The following HYDIN variants were observed in gnomAD, a reference collection of about 807,000 sequenced individuals.
The protein encoded by HYDIN is HYDIN axonemal central pair apparatus protein.
HYDIN carries 132 observed loss-of-function variants against 403.9 expected under a neutral mutation model. That is an observed-to-expected ratio of 0.33 (90% CI 0.28 to 0.38). The LOEUF is 0.38. Ranked by LOEUF, HYDIN falls within the 10% of genes least tolerant of loss-of-function variation. The pLI is 1.00. For missense variants in HYDIN, 2,827 were observed against 5,009.5 expected (o/e 0.56, Z 13.15); for synonymous variants, 1,202 against 1,891.7 (o/e 0.64, Z 9.46).
At chr16:71,086,173 G>C (rs370678693) in intron 12 of HYDIN, among the ~76,000 whole-genome samples, 4 of 151,766 alleles carry the variant, frequency 2.6e-5, no homozygotes, top group Admixed American at 6.6e-5. Context: ...TTTCTTTAGG[G>C]AATAGTTTAA....
Position 71,178,985 on chromosome 16 carries a change from C to G in HYDIN, c.324G>C (p.Gln108His). Residue 108 changes from glutamine (Q) to histidine (H), a missense_variant, in exon 4 of 86, where the codon CAG becomes CAC. Transcript: ENST00000393567. ...CATAGACTTCACAGGGAGTGTAGTT[C>G]TGAAATATAATTTCTGATGGAAAGG... ...FQPFPSEIIF[Q>H]NYTPCEVYEV... is the part of the protein sequence containing the mutation. 1.9e-6 allele frequency: 3 copies of G among 1,611,864 alleles called. No individual in the cohort carries two copies. Among genetic ancestry groups the G allele is most frequent in the Non-Finnish European group, 2.5e-6 (3 of 1,178,232 alleles).
intron 11 of HYDIN, among the ~76,000 whole-genome samples, chr16:71,092,378 C>A (rs976420980): frequency 6.6e-6 from 1 of 152,282 alleles, no homozygotes; most frequent in African/African-American, 2.4e-5. Context: ...CACTAGAAAC[C>A]TTTGTTTTGG....
At chr16:71,009,329 TGAAGCCTGAACCTAGACTTTCCA>T (rs1176457832) in intron 23 of HYDIN, among the ~76,000 whole-genome samples, 1 of 150,302 alleles carries the variant, frequency 6.7e-6, no homozygotes, top group Non-Finnish European at 1.5e-5. Context: ...AAGCTGTGCC[TGAAGCCTGAACCTAGACTTTCCA>T]GATGCATGAA....
chr16:71,228,087 C>G (rs2041119111), intron 1 of HYDIN, among the ~76,000 whole-genome samples: 1 of 152,114 alleles, frequency 6.6e-6, no homozygotes, highest in Admixed American at 6.5e-5. Context: ...ATAAATGGTG[C>G]TAGGAAAACT....
In HYDIN at chr16:70,833,087, A is replaced by G; in HGVS notation, c.13680-20T>C. On this transcript the variant is annotated intron_variant, in intron 79 of 85. Transcript: ENST00000393567. ...TTAAACCTTTTCCAAGAAAAAGAAG[A>G]AAAGAAAGAGAGTTTATGGATGTTG... is the stretch of plus-strand genomic sequence containing the variant. 6.3e-7 allele frequency: 1 copy of G among 1,598,522 alleles called. No homozygotes were observed. Among genetic ancestry groups the G allele is most frequent in the Non-Finnish European group, 8.5e-7 (1 of 1,172,490 alleles).
intron 29 of HYDIN, among the ~76,000 whole-genome samples, chr16:70,981,157 T>G (rs972094812): frequency 6.6e-6 from 1 of 152,138 alleles, no homozygotes; most frequent in African/African-American, 2.4e-5. Context: ...CTGATCCCTC[T>G]GTCAGTAATT....
chr16:70,857,288 A>G (rs2143603762), intron 72 of HYDIN, among the ~76,000 whole-genome samples: 1 of 52,454 alleles, frequency 1.9e-5, no homozygotes, highest in African/African-American at 1.5e-4. Flanking sequence ...AGACTCAGTG[A>G]TATTTGTTGA....
At chr16:71,049,361 A>G (rs2081560831) in intron 18 of HYDIN, among the ~76,000 whole-genome samples, 4 of 152,120 alleles carry the variant, frequency 2.6e-5, no homozygotes, top group Admixed American at 2.0e-4. Context: ...TGGTGGTGTT[A>G]AAGTAGAGAC....
chr16:70,843,593 T>C (rs955204871), intron 75 of HYDIN, among the ~76,000 whole-genome samples: 5 of 141,196 alleles, frequency 3.5e-5, no homozygotes, highest in African/African-American at 1.5e-4. Flanking sequence ...GTATTACTAA[T>C]TCTAGGTCCC....
In HYDIN at chr16:71,083,832, A is replaced by T. The variant is rs1449358751; in HGVS notation, c.1671-3880T>A. Among the ~76,000 whole-genome samples the T allele has an allele frequency of 2.9e-5, 4 of 138,586 alleles. No homozygotes were observed. In the Admixed American group the frequency reaches 3.0e-4, roughly 10 times the overall value. 90.9% of individuals were successfully genotyped at this position (138,586 alleles called of 152,430 possible). A position where few individuals can be genotyped will look rare whatever the true frequency, so the allele number is the denominator to read the frequency against. On this transcript the variant is annotated intron_variant, in intron 12 of 85. Transcript: ENST00000393567. Reference sequence around the variant, plus strand: ...ATGCTGCATATGCTACCCGCTCTTTAGTCACTTAGTAGCTGTCTTGGTTAT... The same window carrying T: ...ATGCTGCATATGCTACCCGCTCTTTTGTCACTTAGTAGCTGTCTTGGTTAT...
intron 65 of HYDIN, among the ~76,000 whole-genome samples, chr16:70,869,606 CTT>C (rs1314365739): frequency 2.8e-5 from 4 of 144,172 alleles, no homozygotes; most frequent in African/African-American, 5.2e-5. Flanking sequence ...ATTTTTCTCT[CTT>C]GTCTGCTACC....
chr16:70,901,899 A>T (rs1161350877), intron 52 of HYDIN, among the ~76,000 whole-genome samples: 1 of 152,054 alleles, frequency 6.6e-6, no homozygotes, highest in Non-Finnish European at 1.5e-5. Flanking sequence ...TATGATTTTT[A>T]AAAATTGCAG....
intron 44 of HYDIN, among the ~76,000 whole-genome samples, chr16:70,938,056 C>T (rs555527598): frequency 3.7e-4 from 57 of 152,326 alleles, no homozygotes; most frequent in African/African-American, 1.2e-3. Context: ...AGTCTGCCCA[C>T]AGTCCCAGGA....
At chr16:70,860,323 G>A (rs1798217177) in intron 70 of HYDIN, 117 bp from the exon 71 acceptor site, 9 of 1,082,090 alleles carry the variant, frequency 8.3e-6, no homozygotes, top group Non-Finnish European at 1.3e-6. Flanking sequence ...GAACTGTTCA[G>A]AGCACTTTGT....
chr16:70,890,977 A>C, intron 57 of HYDIN, among the ~76,000 whole-genome samples: 1 of 150,390 alleles, frequency 6.6e-6, no homozygotes, highest in Non-Finnish European at 1.5e-5. Context: ...TTGGCGTTGT[A>C]CAGAATGACA....
At chr16:71,033,797 TCATTTCCC>T (rs1253448183) in intron 18 of HYDIN, among the ~76,000 whole-genome samples, 1 of 151,920 alleles carries the variant, frequency 6.6e-6, no homozygotes, top group Non-Finnish European at 1.5e-5. Context: ...AGAAAATAAA[TCATTTCCC>T]CATTTTGATT....
rs905438540 is a variant in HYDIN at position 70,805,511 on chromosome 16, A to G, written c.*2069T>C. ...TTAGAAATGCAGATTCTCAAGCCCC[A>G]CCCAAATCTCCTAGATCGGACTTCC... On this transcript the variant is annotated 3_prime_UTR_variant, in exon 86 of 86. Transcript: ENST00000393567. Among the ~76,000 whole-genome samples the G allele has an allele frequency of 1.3e-5, 2 of 152,122 alleles. No individual in the cohort carries two copies. Among genetic ancestry groups the G allele is most frequent in the South Asian group, 4.1e-4 (2 of 4,824 alleles).
At chr16:71,145,365 T>C (rs2085328279) in intron 7 of HYDIN, among the ~76,000 whole-genome samples, 1 of 152,064 alleles carries the variant, frequency 6.6e-6, no homozygotes, top group Non-Finnish European at 1.5e-5. Context: ...AGAAATTCTC[T>C]TGCCTCAGCC....
At chr16:70,916,086 A>C (rs572038775) in intron 47 of HYDIN, among the ~76,000 whole-genome samples, 38 of 152,332 alleles carry the variant, frequency 2.5e-4, no homozygotes, top group Non-Finnish European at 4.9e-4. Flanking sequence ...TGTGAAAGCA[A>C]GTATGGCTTT....
Sources: allele counts gnomAD v4.1 joint callset (sites outside exome capture counted in the v4.1 genomes callset), GRCh38; gene constraint gnomAD v4.1.1; transcripts MANE v1.5; gene names NCBI Gene and HGNC (gene_info 2026-07-23, HGNC 2026-07-21).